ARHGAP44: variants seen among roughly 807,000 people sequenced by gnomAD.
ARHGAP44 encodes the protein Rho GTPase activating protein 44, also known as rho GTPase-activating protein 44.
ARHGAP44 carries 43 observed loss-of-function variants against 106.8 expected under a neutral mutation model. The ratio of observed to expected loss-of-function variants is 0.40; its 90% CI spans 0.32 to 0.52. The LOEUF (loss-of-function observed/expected upper bound fraction) is 0.52. Among genes scored for constraint, ARHGAP44 ranks in the 20% least tolerant of loss-of-function variants. The pLI is 0.48. For missense variants in ARHGAP44, 866 were observed against 1,050.5 expected (o/e 0.82, Z 2.43); for synonymous variants, 439 against 410.3 (o/e 1.07, Z -0.85).
intron 4 of ARHGAP44, among the ~76,000 whole-genome samples, chr17:12,909,294 C>T (rs370872302): frequency 2.6e-5 from 4 of 152,038 alleles, no homozygotes; most frequent in East Asian, 3.9e-4. Flanking sequence ...CAGCCTTTGC[C>T]GATGTTGAGC....
intron 3 of ARHGAP44, 136 bp from the exon 4 acceptor site, chr17:12,908,761 T>C: frequency 4.6e-6 from 3 of 657,706 alleles, no homozygotes; most frequent in Non-Finnish European, 7.8e-6. Context: ...TGAATTTCTA[T>C]GTTTAAACCT....
At chr17:12,826,278 T>C (rs952211596) in intron 1 of ARHGAP44, among the ~76,000 whole-genome samples, 1 of 152,194 alleles carries the variant, frequency 6.6e-6, no homozygotes, top group Non-Finnish European at 1.5e-5. Context: ...CCCCTCTATG[T>C]GTCCATGTGT....
intron 16 of ARHGAP44, chr17:12,959,170 A>G (rs1301666919): frequency 2.4e-6 from 1 of 410,970 alleles, no homozygotes; most frequent in African/African-American, 2.0e-5. Flanking sequence ...GTAGTCACTG[A>G]GTGCAATTAA....
intron 7 of ARHGAP44, among the ~76,000 whole-genome samples, chr17:12,934,409 C>G (rs2038487624): frequency 6.6e-6 from 1 of 152,186 alleles, no homozygotes; most frequent in Non-Finnish European, 1.5e-5. Context: ...CCTACAATTC[C>G]TTACTACAAA....
intron 18 of ARHGAP44, among the ~76,000 whole-genome samples, chr17:12,975,795 C>CAAAAAAAAAAAAA (rs57364760): frequency 2.9e-5 from 2 of 69,386 alleles, no homozygotes; most frequent in African/African-American, 5.8e-5. Flanking sequence ...GACTCCGTCT[C>CAAAAAAAAAAAAA]AAAAAAAAAA....
intron 6 of ARHGAP44, among the ~76,000 whole-genome samples, chr17:12,926,707 T>C (rs1325351963): frequency 6.6e-6 from 1 of 151,668 alleles, no homozygotes; most frequent in African/African-American, 2.4e-5. Flanking sequence ...CATTTTAATA[T>C]ACCTATATTT....
intron 1 of ARHGAP44, among the ~76,000 whole-genome samples, chr17:12,876,022 C>A (rs1177787973): frequency 6.6e-6 from 1 of 152,186 alleles, no homozygotes; most frequent in Non-Finnish European, 1.5e-5. Flanking sequence ...CCAGTTAGAG[C>A]TAGAAGCTCT....
intron 1 of ARHGAP44, among the ~76,000 whole-genome samples, chr17:12,887,391 G>A (rs768056855): frequency 3.9e-5 from 6 of 151,972 alleles, no homozygotes; most frequent in Non-Finnish European, 7.4e-5. Context: ...ACCATGCCTG[G>A]CTAATTTTTT....
chr17:12,906,806 G>T (rs1362171538), intron 3 of ARHGAP44, among the ~76,000 whole-genome samples: 1 of 152,032 alleles, frequency 6.6e-6, no homozygotes, highest in East Asian at 1.9e-4. Context: ...CAGGCATGGG[G>T]GTGCATGCCT....
chr17:12,861,658 T>TTTTTTTTTTTTTTTTTTTG (rs1597958904), intron 1 of ARHGAP44, among the ~76,000 whole-genome samples: 2 of 10,202 alleles, frequency 2.0e-4, no homozygotes, highest in East Asian at 1.8e-3. Context: ...TTTTTTTTTT[T>TTTTTTTTTTTTTTTTTTTG]GAGATGGAAT....
At chr17:12,941,277 A>AT (rs748782492) in intron 8 of ARHGAP44, among the ~76,000 whole-genome samples, 153 bp downstream of exon 8, 1 of 152,174 alleles carries the variant, frequency 6.6e-6, no homozygotes, top group Non-Finnish European at 1.5e-5. Flanking sequence ...CATGCTCCTG[A>AT]TATGGATTTC....
At chr17:12,945,800 C>T (rs1432788442) in intron 10 of ARHGAP44, among the ~76,000 whole-genome samples, 1 of 152,148 alleles carries the variant, frequency 6.6e-6, no homozygotes, top group Non-Finnish European at 1.5e-5. Context: ...CTTAGCTTAG[C>T]TTATGAGACA....
intron 1 of ARHGAP44, among the ~76,000 whole-genome samples, chr17:12,802,329 G>T (rs1001649259): frequency 1.3e-5 from 2 of 152,192 alleles, no homozygotes; most frequent in African/African-American, 4.8e-5. Context: ...AAAGGGAAGA[G>T]CTGGACAGTG....
At chr17:12,848,373 G>A (rs1033711893) in intron 1 of ARHGAP44, among the ~76,000 whole-genome samples, 2 of 151,382 alleles carry the variant, frequency 1.3e-5, no homozygotes, top group South Asian at 2.1e-4. Context: ...ACTTTAAAAC[G>A]ATTTGTTAAT....
At chr17:12,815,141 T>A (rs1242377708) in intron 1 of ARHGAP44, among the ~76,000 whole-genome samples, 11 of 149,142 alleles carry the variant, frequency 7.4e-5, no homozygotes, top group East Asian at 3.9e-4. Context: ...TTTTTTTTTT[T>A]AAAAGATTCT....
intron 1 of ARHGAP44, among the ~76,000 whole-genome samples, chr17:12,800,852 G>T (rs2034071641): frequency 6.6e-6 from 1 of 152,088 alleles, no homozygotes; most frequent in Non-Finnish European, 1.5e-5. Context: ...CCCTAATCTT[G>T]TTATTTCTGC....
chr17:12,902,173 C>T (rs1419386637), intron 3 of ARHGAP44, among the ~76,000 whole-genome samples: 5 of 152,156 alleles, frequency 3.3e-5, no homozygotes, highest in Non-Finnish European at 7.3e-5. Flanking sequence ...TGTCTTCTAC[C>T]TGCATCTCTG....
chr17:12,944,919 A>G (rs1222855755), intron 10 of ARHGAP44, among the ~76,000 whole-genome samples: 2 of 152,092 alleles, frequency 1.3e-5, no homozygotes, highest in Non-Finnish European at 2.9e-5. Context: ...AAACTTTTTT[A>G]TCACAACTCT....
rs1291536169 is a variant in ARHGAP44 at position 12,970,377 on chromosome 17, A to G, written c.1524-2925A>G. ...CAAGACCCTGTCTCAAAAAAAAAAA[A>G]AAAAAAAAAAAGAAAAAGAAGAGAA... is the stretch of plus-strand genomic sequence containing the variant. On this transcript the variant is annotated intron_variant, in intron 16 of 20. Coordinates refer to ENST00000379672, the MANE Select transcript of ARHGAP44 (RefSeq NM_014859.6). Among the ~76,000 whole-genome samples, 8 of 142,098 alleles carry G rather than the reference A, an allele frequency of 5.6e-5. No individual in the cohort carries two copies. The South Asian group carries it at 1.9e-3, about 33-fold the overall frequency. 93.2% of individuals were successfully genotyped at this position (142,098 alleles called of 152,430 possible).
Sources: allele counts gnomAD v4.1 joint callset (sites outside exome capture counted in the v4.1 genomes callset), GRCh38; gene constraint gnomAD v4.1.1; transcripts MANE v1.5; gene names NCBI Gene and HGNC (gene_info 2026-07-23, HGNC 2026-07-21).